CDKAL1: variants seen among roughly 807,000 people sequenced by gnomAD.
The protein encoded by CDKAL1 is threonylcarbamoyladenosine tRNA methylthiotransferase.
A neutral mutation model predicts 68.2 loss-of-function variants in CDKAL1; 32 were observed. The observed-to-expected ratio is 0.47, with a 90% CI of 0.35 to 0.63. CDKAL1 has a LOEUF of 0.63. Among genes scored for constraint, CDKAL1 ranks in the 30% least tolerant of loss-of-function variants. The probability of loss-of-function intolerance (pLI) is 0.00; values close to 1 mark genes in which losing one functional copy is unlikely to be tolerated. For synonymous variants in CDKAL1, 234 were observed against 244.3 expected (o/e 0.96, Z 0.39); for missense variants, 606 against 696.7 (o/e 0.87, Z 1.47).
chr6:20,673,263 T>C (rs551144000), intron 5 of CDKAL1, among the ~76,000 whole-genome samples: 89 of 147,362 alleles, frequency 6.0e-4, no homozygotes, highest in African/African-American at 2.4e-3. Context: ...CTGTGGGGGA[T>C]TGGTCCAGGA....
chr6:21,134,142 A>G (rs951806145), intron 13 of CDKAL1, among the ~76,000 whole-genome samples: 5 of 151,630 alleles, frequency 3.3e-5, no homozygotes, highest in African/African-American at 4.9e-5. Context: ...TAATGTCGAG[A>G]AAAAAAAGAG....
At chr6:21,179,613 G>A (rs1777715434) in intron 13 of CDKAL1, among the ~76,000 whole-genome samples, 1 of 152,178 alleles carries the variant, frequency 6.6e-6, no homozygotes, top group African/African-American at 2.4e-5. Context: ...ATAAAGTTTT[G>A]AGGATTGAAT....
chr6:20,901,308 C>A (rs1387359908), intron 9 of CDKAL1, among the ~76,000 whole-genome samples: 1 of 151,842 alleles, frequency 6.6e-6, no homozygotes, highest in African/African-American at 2.4e-5. Flanking sequence ...AGAAAATGAA[C>A]AAATCTTCAG....
chr6:20,778,443 A>G (rs968628893), intron 7 of CDKAL1, among the ~76,000 whole-genome samples: 6 of 152,180 alleles, frequency 3.9e-5, no homozygotes, highest in Admixed American at 2.0e-4. Flanking sequence ...TAAGACAAAT[A>G]CTCTAATTAA....
At chr6:20,778,798 T>G (rs1473553596) in intron 7 of CDKAL1, among the ~76,000 whole-genome samples, 1 of 151,810 alleles carries the variant, frequency 6.6e-6, no homozygotes. Context: ...CTTTTAGCCT[T>G]TTTTTTTAAA....
intron 8 of CDKAL1, among the ~76,000 whole-genome samples, chr6:20,838,578 T>G (rs1011367276): frequency 3.3e-5 from 5 of 152,184 alleles, no homozygotes; most frequent in African/African-American, 1.2e-4. Context: ...TACCATGCTA[T>G]TTTAGTAAAC....
intron 13 of CDKAL1, among the ~76,000 whole-genome samples, chr6:21,156,379 G>A (rs1189264093): frequency 2.8e-5 from 4 of 141,400 alleles, no homozygotes; most frequent in South Asian, 2.3e-4. Flanking sequence ...AGCCGAGATC[G>A]TGCCACTGTA....
intron 12 of CDKAL1, among the ~76,000 whole-genome samples, chr6:21,108,185 G>T (rs1294664327): frequency 6.6e-6 from 1 of 151,556 alleles, no homozygotes; most frequent in Non-Finnish European, 1.5e-5. Context: ...AGGTCACCTG[G>T]TTGCTCTGTG....
intron 5 of CDKAL1, among the ~76,000 whole-genome samples, chr6:20,657,417 T>C (rs1769076198): frequency 6.6e-6 from 1 of 152,226 alleles, no homozygotes; most frequent in Admixed American, 6.5e-5. Flanking sequence ...CCATGATTGC[T>C]TCACTTTGCT....
rs1336150682 is a variant in CDKAL1, at chr6:20,866,577, C to T, written c.742+20399C>T. On this transcript the variant is annotated intron_variant, in intron 9 of 15. Coordinates refer to ENST00000274695, the MANE Select transcript of CDKAL1 (RefSeq NM_017774.3). ...TCTTTTCTAACTCCTCAAATATTCA[C>T]ACAGATATTATTTTACAGATTTTAA... Among the ~76,000 whole-genome samples, 3 of 152,134 alleles carry T rather than the reference C, an allele frequency of 2.0e-5. 1 individual carries two copies. Among genetic ancestry groups the T allele is most frequent in the African/African-American group, 7.2e-5 (3 of 41,416 alleles).
intron 12 of CDKAL1, among the ~76,000 whole-genome samples, chr6:21,073,690 A>G (rs1771916209): frequency 6.6e-6 from 1 of 152,254 alleles, no homozygotes; most frequent in East Asian, 1.9e-4. Context: ...ATTTTTAATC[A>G]TGCAGTTTGT....
intron 9 of CDKAL1, among the ~76,000 whole-genome samples, chr6:20,935,043 G>A (rs754022030): frequency 2.0e-5 from 3 of 151,536 alleles, no homozygotes; most frequent in African/African-American, 4.9e-5. Context: ...CTACAGGCAC[G>A]TGCCAACACA....
intron 8 of CDKAL1, among the ~76,000 whole-genome samples, chr6:20,840,657 A>G (rs931813933): frequency 1.3e-5 from 2 of 152,182 alleles, no homozygotes; most frequent in Non-Finnish European, 2.9e-5. Flanking sequence ...TTTTTCAACT[A>G]TGTCATTTTT....
intron 12 of CDKAL1, among the ~76,000 whole-genome samples, chr6:21,077,883 G>T (rs976279104): frequency 2.0e-5 from 3 of 152,186 alleles, no homozygotes; most frequent in African/African-American, 7.2e-5. Context: ...TTACCTGAGT[G>T]GGGTCAATGT....
intron 9 of CDKAL1, among the ~76,000 whole-genome samples, chr6:20,853,399 A>C (rs1007702645): frequency 1.2e-3 from 40 of 32,338 alleles, no homozygotes; most frequent in African/African-American, 1.9e-3. Flanking sequence ...AACAAAAAAA[A>C]AACAAAAAAA....
intron 2 of CDKAL1, among the ~76,000 whole-genome samples, chr6:20,537,092 T>C (rs1763204175): frequency 1.3e-5 from 2 of 152,236 alleles, no homozygotes; most frequent in South Asian, 4.1e-4. Flanking sequence ...CAGGCTGGAG[T>C]GCAGTGGCGT....
At chr6:20,732,367 C>T (rs1294108867) in intron 5 of CDKAL1, among the ~76,000 whole-genome samples, 5 of 149,540 alleles carry the variant, frequency 3.3e-5, no homozygotes, top group Admixed American at 2.7e-4. Flanking sequence ...CCTCTGCCTC[C>T]GGGGTTCAAG....
chr6:20,549,580 A>ATATT (rs55998379), intron 4 of CDKAL1, among the ~76,000 whole-genome samples: 1,572 of 147,818 alleles, frequency 0.011, 25 homozygotes, highest in African/African-American at 0.035. Flanking sequence ...CTTTACATTT[A>ATATT]TATTTATTTA....
intron 5 of CDKAL1, among the ~76,000 whole-genome samples, chr6:20,665,051 G>A (rs900947391): frequency 6.6e-6 from 1 of 152,030 alleles, no homozygotes; most frequent in Non-Finnish European, 1.5e-5. Flanking sequence ...TTGGGCAGAA[G>A]TTGTGCTGTA....
Sources: gnomAD v4.1 joint callset for allele counts (sites outside exome capture counted in the v4.1 genomes callset) on GRCh38, gnomAD v4.1.1 for gene constraint, MANE v1.5 for transcripts, NCBI Gene and HGNC (gene_info 2026-07-23, HGNC 2026-07-21) for gene names.